PIAS1: variants seen among roughly 807,000 people sequenced by gnomAD.
The protein encoded by PIAS1 is protein inhibitor of activated STAT 1.
PIAS1 carries 6 observed loss-of-function variants against 71.3 expected under a neutral mutation model. That is an observed-to-expected ratio of 0.08 (90% CI 0.05 to 0.17). The LOEUF (loss-of-function observed/expected upper bound fraction) is 0.17. Among genes scored for constraint, PIAS1 ranks in the 10% least tolerant of loss-of-function variants. The probability of loss-of-function intolerance (pLI) is 1.00; values close to 1 mark genes in which losing one functional copy is unlikely to be tolerated. For synonymous variants in PIAS1, 303 were observed against 292.9 expected, an observed-to-expected ratio of 1.03 and a Z score of -0.35; for missense variants, 555 against 793.6, an observed-to-expected ratio of 0.70 and a Z score of 3.61.
chr15:68,175,893 C>T, intron 10 of PIAS1, 126 bp downstream of exon 10: 1 of 526,928 alleles, frequency 1.9e-6, no homozygotes, highest in Non-Finnish European at 3.0e-6. Context: ...TTCCTATTAA[C>T]TTATTGATTA....
intron 2 of PIAS1, among the ~76,000 whole-genome samples, chr15:68,126,749 C>T (rs1366106134): frequency 6.6e-6 from 1 of 151,604 alleles, no homozygotes; most frequent in Non-Finnish European, 1.5e-5. Context: ...TATAGTTGTA[C>T]CATGGTTATA....
chr15:68,090,926 G>GT (rs1567037054), intron 2 of PIAS1, among the ~76,000 whole-genome samples: 4 of 129,700 alleles, frequency 3.1e-5, no homozygotes, highest in African/African-American at 9.8e-5. Context: ...AGTCATTTAC[G>GT]GGTGTGTGTG....
intron 1 of PIAS1, among the ~76,000 whole-genome samples, chr15:68,072,749 T>C (rs996766526): frequency 6.6e-6 from 1 of 152,248 alleles, no homozygotes; most frequent in African/African-American, 2.4e-5. Flanking sequence ...TAAATTGGTA[T>C]CATATCTTAC....
intron 1 of PIAS1, among the ~76,000 whole-genome samples, chr15:68,068,893 C>CTT (rs11298983): frequency 2.6e-5 from 2 of 76,606 alleles, no homozygotes; most frequent in South Asian, 4.7e-4. Context: ...TGTTTTTGTC[C>CTT]TTTTTTTTTT....
chr15:68,159,008 G>A (rs2092908318), intron 7 of PIAS1, among the ~76,000 whole-genome samples: 1 of 152,144 alleles, frequency 6.6e-6, no homozygotes, highest in Non-Finnish European at 1.5e-5. Flanking sequence ...TGTAGCTCAT[G>A]ACAACAGGGA....
intron 6 of PIAS1, among the ~76,000 whole-genome samples, chr15:68,150,334 C>T (rs902285055): frequency 2.0e-5 from 3 of 152,082 alleles, no homozygotes; most frequent in African/African-American, 7.2e-5. Flanking sequence ...GGGAAATACT[C>T]TTCCATAGGA....
chr15:68,062,638 G>A (rs2091972414), intron 1 of PIAS1, among the ~76,000 whole-genome samples: 1 of 152,052 alleles, frequency 6.6e-6, no homozygotes, highest in South Asian at 2.1e-4. Context: ...GTCACTTTTT[G>A]TGTCTGGTCT....
chr15:68,109,617 A>C (rs763738974), intron 2 of PIAS1, among the ~76,000 whole-genome samples: 3 of 152,180 alleles, frequency 2.0e-5, no homozygotes, highest in Non-Finnish European at 4.4e-5. Context: ...AAATCTAGCC[A>C]GAAAGAGGAT....
At chr15:68,151,707 C>CACACAAAA (rs140053964) in intron 6 of PIAS1, among the ~76,000 whole-genome samples, 9 of 134,408 alleles carry the variant, frequency 6.7e-5, no homozygotes, top group African/African-American at 1.7e-4. Context: ...CACACACACA[C>CACACAAAA]AAATTAGCTA....
At chr15:68,059,612 G>A (rs547612198) in intron 1 of PIAS1, among the ~76,000 whole-genome samples, 2 of 150,924 alleles carry the variant, frequency 1.3e-5, no homozygotes, top group South Asian at 2.1e-4. Context: ...TCAGGAGGCT[G>A]AGGCAGGAGA....
At chr15:68,138,118 C>G (rs886830572) in intron 2 of PIAS1, among the ~76,000 whole-genome samples, 1 of 152,106 alleles carries the variant, frequency 6.6e-6, no homozygotes, top group African/African-American at 2.4e-5. Flanking sequence ...CCACTGCACT[C>G]TAGCGTGGGA....
rs561097380 is a variant in PIAS1, at chr15:68,160,619, A to G, written c.935-4112A>G. On this transcript the variant is annotated intron_variant, in intron 7 of 13. Coordinates refer to ENST00000249636, the MANE Select transcript of PIAS1 (RefSeq NM_016166.3). Reference sequence around the variant, plus strand: ...GTGAAACAATACATGGTGACCAAACAGAATTTATTTCTGTAATACGAAGTT... The same window carrying G: ...GTGAAACAATACATGGTGACCAAACGGAATTTATTTCTGTAATACGAAGTT... 2.6e-5 allele frequency among the ~76,000 whole-genome samples: 4 copies of G among 152,346 alleles called. No individual in the cohort carries two copies. The South Asian group carries it at 8.3e-4, about 32-fold the overall frequency.
chr15:68,055,267 T>G, intron 1 of PIAS1: 1 of 934,016 alleles, frequency 1.1e-6, no homozygotes, highest in Non-Finnish European at 1.3e-6. Flanking sequence ...CCATTGCCTT[T>G]TGTTTGTAGG....
intron 2 of PIAS1, among the ~76,000 whole-genome samples, chr15:68,135,454 G>T (rs1388318195): frequency 3.9e-5 from 1 of 25,788 alleles, no homozygotes; most frequent in Non-Finnish European, 1.4e-4. Flanking sequence ...GGGCAGAGGC[G>T]CCCCCCACCC....
At chr15:68,071,211 C>A (rs1051675709) in intron 1 of PIAS1, among the ~76,000 whole-genome samples, 1 of 133,080 alleles carries the variant, frequency 7.5e-6, no homozygotes, top group Non-Finnish European at 1.6e-5. Flanking sequence ...CCCCCGCCCC[C>A]CCGCCCCTAC....
intron 2 of PIAS1, among the ~76,000 whole-genome samples, chr15:68,101,400 TG>T (rs1482051136): frequency 6.6e-6 from 1 of 151,334 alleles, no homozygotes; most frequent in Non-Finnish European, 1.5e-5. Flanking sequence ...AGTCCTTCGT[TG>T]GGTTTGTGGT....
Position 68,142,293 on chromosome 15 carries a change from T to C in PIAS1, c.558T>C (p.Asp186=). 6.2e-7 allele frequency: 1 copy of C among 1,603,896 alleles called. No homozygotes were observed. The highest frequency in any genetic ancestry group is 1.1e-5 in the South Asian group (1 of 90,706). ...ATTCCTATTCTGTCTCTTCTAGGGA[T>C]ATTTCTGGGACCAAATGTGACTTCA... ...QQVQQISSSM[D]ISGTKCDFTV... is the part of the protein sequence containing the mutation. The change falls in exon 4 of 14, where the codon GAT becomes GAC. Residue 186 remains aspartate, a synonymous_variant. Coordinates refer to ENST00000249636, the MANE Select transcript of PIAS1 (RefSeq NM_016166.3).
chr15:68,088,677 A>G (rs987105045), intron 2 of PIAS1, among the ~76,000 whole-genome samples: 2 of 152,188 alleles, frequency 1.3e-5, no homozygotes, highest in African/African-American at 2.4e-5. Context: ...TTGAAGGGCA[A>G]TGCTTATTGA....
chr15:68,095,828 G>T (rs902708070), intron 2 of PIAS1, among the ~76,000 whole-genome samples: 6 of 152,160 alleles, frequency 3.9e-5, no homozygotes, highest in African/African-American at 1.4e-4. Flanking sequence ...ACCACGCCTG[G>T]CCCATTCTTT....
Sources: allele counts gnomAD v4.1 joint callset (sites outside exome capture counted in the v4.1 genomes callset), GRCh38; gene constraint gnomAD v4.1.1; transcripts MANE v1.5; gene names NCBI Gene and HGNC (gene_info 2026-07-23, HGNC 2026-07-21).